RNF182: variants seen among roughly 807,000 people sequenced by gnomAD.
RNF182 encodes E3 ubiquitin-protein ligase RNF182.
Under a neutral mutation model 14.4 loss-of-function variants are expected in RNF182, and 15 were observed. That is an observed-to-expected ratio of 1.04 (90% CI 0.70 to 1.60). The LOEUF (loss-of-function observed/expected upper bound fraction) is 1.60. Among genes scored for constraint, RNF182 ranks in the 40% most tolerant of loss-of-function variants. The pLI, the probability that RNF182 is intolerant of heterozygous loss-of-function variation, is 0.00. For synonymous variants in RNF182, 128 were observed against 122.9 expected, an observed-to-expected ratio of 1.04 and a Z score of -0.27; for missense variants, 268 against 294.8, an observed-to-expected ratio of 0.91 and a Z score of 0.67.
At position 13,978,995 on chromosome 6, in the gene RNF182, T is replaced by C. The variant is rs1277421478; in HGVS notation, c.*1132T>C. The C allele has an allele frequency of 1.2e-5, 2 of 167,036 alleles. No homozygotes were observed. The highest frequency in any genetic ancestry group is 2.4e-5 in the African/African-American group (1 of 41,432). 10.3% of individuals were successfully genotyped at this position (167,036 alleles called of 1,614,324 possible). A position where few individuals can be genotyped will look rare whatever the true frequency, so the allele number is the denominator to read the frequency against. On this transcript the variant is annotated 3_prime_UTR_variant, in exon 3 of 3. Coordinates refer to ENST00000488300, the MANE Select transcript of RNF182 (RefSeq NM_152737.4). ...TTGTGTTGTAGTCTAGACAAAGGGG[T>C]GGGCAAGAGACATGCAAAGCTGAAG...
At chr6:13,962,100 TA>T (rs1266098286) in intron 1 of RNF182, among the ~76,000 whole-genome samples, 2 of 152,240 alleles carry the variant, frequency 1.3e-5, no homozygotes, top group African/African-American at 4.8e-5. Flanking sequence ...CACTAAGGGA[TA>T]ACTGATAATT....
intron 1 of RNF182, among the ~76,000 whole-genome samples, chr6:13,925,555 C>G (rs560024175): frequency 1.3e-5 from 2 of 152,050 alleles, no homozygotes; most frequent in African/African-American, 4.8e-5. Flanking sequence ...ATCGAAAGAC[C>G]TTTTTTTCTT....
chr6:13,941,217 T>C (rs1270307645), intron 1 of RNF182, among the ~76,000 whole-genome samples: 1 of 152,124 alleles, frequency 6.6e-6, no homozygotes, highest in South Asian at 2.1e-4. Flanking sequence ...TGTCAGTTTT[T>C]AAGTATATAT....
At chr6:13,928,694 A>G (rs974622825) in intron 1 of RNF182, among the ~76,000 whole-genome samples, 5 of 152,188 alleles carry the variant, frequency 3.3e-5, no homozygotes, top group South Asian at 4.1e-4. Flanking sequence ...GTGATTGCTT[A>G]TTTCCATACA....
Position 13,949,037 on chromosome 6 carries a change from A to G in RNF182, c.-367+24014A>G, listed in dbSNP as rs190857714. ...CTACTCACTCCTAATCAGTTTGACC[A>G]TAAAGTAAGATTTTCACAAACCTTT... On this transcript the variant is annotated intron_variant, in intron 1 of 2. Transcript: ENST00000488300. 589 of 595,310 alleles carry G rather than the reference A, an allele frequency of 9.9e-4. 2 individuals are homozygous for G. Among genetic ancestry groups the G allele is most frequent in the African/African-American group, 8.8e-3 (473 of 53,736 alleles). 36.9% of individuals were successfully genotyped at this position (595,310 alleles called of 1,614,324 possible).
chr6:13,941,662 C>T (rs1759302812), intron 1 of RNF182, among the ~76,000 whole-genome samples: 1 of 151,434 alleles, frequency 6.6e-6, no homozygotes, highest in African/African-American at 2.4e-5. Context: ...ATTCAGTTTT[C>T]TTCTCTCTTT....
chr6:13,948,447 T>C (rs764181777), intron 1 of RNF182, among the ~76,000 whole-genome samples: 2 of 152,198 alleles, frequency 1.3e-5, no homozygotes, highest in Non-Finnish European at 2.9e-5. Flanking sequence ...ACCAGAATTA[T>C]AGTAGTTTTG....
At chr6:13,976,623 G>C (rs1760332232) in intron 2 of RNF182, among the ~76,000 whole-genome samples, 2 of 152,136 alleles carry the variant, frequency 1.3e-5, no homozygotes, top group South Asian at 4.2e-4. Flanking sequence ...CTTGTATCTA[G>C]ACTAAAGTAT....
intron 1 of RNF182, among the ~76,000 whole-genome samples, chr6:13,971,196 G>A (rs1369084664): frequency 2.0e-5 from 3 of 152,102 alleles, no homozygotes; most frequent in African/African-American, 7.2e-5. Context: ...CAAGGGTGGA[G>A]CCAGGTGGAG....
At chr6:13,946,131 A>C (rs1179092154) in intron 1 of RNF182, among the ~76,000 whole-genome samples, 2 of 123,652 alleles carry the variant, frequency 1.6e-5, no homozygotes, top group African/African-American at 6.1e-5. Context: ...TATTATCTTT[A>C]AAGCAAAACA....
intron 1 of RNF182, among the ~76,000 whole-genome samples, chr6:13,945,317 C>T (rs907406455): frequency 6.6e-6 from 1 of 152,166 alleles, no homozygotes; most frequent in East Asian, 1.9e-4. Flanking sequence ...CAGATGTTGT[C>T]ATCACAAAAT....
chr6:13,967,085 A>G (rs757872377), intron 1 of RNF182, among the ~76,000 whole-genome samples: 1 of 152,014 alleles, frequency 6.6e-6, no homozygotes, highest in Admixed American at 6.5e-5. Flanking sequence ...TGATCCACCT[A>G]TCTTGGCCTC....
At position 13,978,248 on chromosome 6, in the gene RNF182, G is replaced by T. The variant is rs1225592685; in HGVS notation, c.*385G>T. The T allele has an allele frequency of 2.7e-5, 5 of 185,286 alleles. No individual in the cohort carries two copies. Among genetic ancestry groups the T allele is most frequent in the Non-Finnish European group, 5.1e-5 (4 of 78,492 alleles). 11.5% of individuals were successfully genotyped at this position (185,286 alleles called of 1,614,324 possible). ...GGCAGTTGGACACAAGAGGAAAGTT[G>T]CTCTGAGACACAAAGTGTGTACTCC... On this transcript the variant is annotated 3_prime_UTR_variant, in exon 3 of 3. Transcript: ENST00000488300.
chr6:13,949,073 T>TA (rs2113610687), intron 1 of RNF182: 2 of 703,040 alleles, frequency 2.8e-6, no homozygotes, highest in African/African-American at 3.5e-5. Context: ...TATAACCCTT[T>TA]AAATTTTTTG....
At chr6:13,947,138 T>C (rs1303197886) in intron 1 of RNF182, among the ~76,000 whole-genome samples, 2 of 152,214 alleles carry the variant, frequency 1.3e-5, no homozygotes. Flanking sequence ...TCATTATGTG[T>C]CCAGAATTAG....
chr6:13,979,379 G>A lies in RNF182; in HGVS notation c.*1516G>A, dbSNP rs563522248. 3.6e-5 allele frequency: 6 copies of A among 167,090 alleles called. No homozygotes were observed. Among genetic ancestry groups the A allele is most frequent in the East Asian group, 3.9e-4 (2 of 5,188 alleles). 10.4% of individuals were successfully genotyped at this position (167,090 alleles called of 1,614,324 possible). On this transcript the variant is annotated 3_prime_UTR_variant, in exon 3 of 3. Transcript: ENST00000488300. ...CTTAGAAAGGGGGCATTACTAAGAC[G>A]ACTTTAACTTGTTATGAAATCTTTG... is the stretch of plus-strand genomic sequence containing the variant.
chr6:13,974,179 A>G (rs2113649700), intron 1 of RNF182, 31 bp from the exon 2 acceptor site: 1 of 152,216 alleles, frequency 6.6e-6, no homozygotes, highest in African/African-American at 2.4e-5. Flanking sequence ...TTCAAGAGGA[A>G]CAATCACCAT....
In RNF182 at chr6:13,979,239, T is replaced by C. The variant is rs981106117; in HGVS notation, c.*1376T>C. ...TATATATTTCTAAGAAGAATTTGTT[T>C]AGCAGATTACAAGTTGGCAAAATAG... is the stretch of plus-strand genomic sequence containing the variant. On this transcript the variant is annotated 3_prime_UTR_variant, in exon 3 of 3. Transcript: ENST00000488300. 2.4e-5 allele frequency: 4 copies of C among 166,422 alleles called. No individual in the cohort carries two copies. Among genetic ancestry groups the C allele is most frequent in the Admixed American group, 1.3e-4 (2 of 15,278 alleles). 10.3% of individuals were successfully genotyped at this position (166,422 alleles called of 1,614,324 possible). A position where few individuals can be genotyped will look rare whatever the true frequency, so the allele number is the denominator to read the frequency against.
At chr6:13,934,625 A>G (rs948029986) in intron 1 of RNF182, among the ~76,000 whole-genome samples, 2 of 152,132 alleles carry the variant, frequency 1.3e-5, no homozygotes, top group East Asian at 1.9e-4. Flanking sequence ...TGCCATTTAG[A>G]TAGGATTATG....
Sources: gnomAD v4.1 joint callset for allele counts (sites outside exome capture counted in the v4.1 genomes callset) on GRCh38, gnomAD v4.1.1 for gene constraint, MANE v1.5 for transcripts, NCBI Gene and HGNC (gene_info 2026-07-23, HGNC 2026-07-21) for gene names.